The following NRXN3 variants were observed in gnomAD, a reference collection of about 807,000 sequenced individuals.
NRXN3 encodes neurexin III.
NRXN3 carries 32 observed loss-of-function variants against 137.6 expected under a neutral mutation model. That is an observed-to-expected ratio of 0.23 (90% CI 0.18 to 0.31). NRXN3 has a LOEUF of 0.31. NRXN3 is among the 10% of genes least tolerant of loss of function. The pLI, the probability that NRXN3 is intolerant of heterozygous loss-of-function variation, is 1.00. For missense variants in NRXN3, 1,574 were observed against 2,062.5 expected (o/e 0.76, Z 4.59); for synonymous variants, 798 against 784.5 (o/e 1.02, Z -0.29).
intron 16 of NRXN3, among the ~76,000 whole-genome samples, chr14:79,565,217 A>G (rs905346866): frequency 4.1e-5 from 6 of 147,076 alleles, no homozygotes; most frequent in Admixed American, 2.0e-4. Flanking sequence ...GTGTATATAT[A>G]TGTGTGTGTA....
intron 19 of NRXN3, among the ~76,000 whole-genome samples, chr14:79,768,344 C>G (rs1362490463): frequency 6.6e-6 from 1 of 152,250 alleles, no homozygotes; most frequent in African/African-American, 2.4e-5. Context: ...AAAAAGACAG[C>G]AGTAACCTCT....
chr14:78,506,839 C>T (rs1380974715), intron 4 of NRXN3, among the ~76,000 whole-genome samples: 1 of 151,796 alleles, frequency 6.6e-6, no homozygotes, highest in African/African-American at 2.4e-5. Flanking sequence ...CTGGTTCTCA[C>T]TGTAATTTTA....
chr14:79,257,463 G>A (rs1288102590), intron 15 of NRXN3, among the ~76,000 whole-genome samples: 2 of 39,742 alleles, frequency 5.0e-5, no homozygotes, highest in Non-Finnish European at 1.0e-4. Flanking sequence ...GGTGGTGGTG[G>A]TGGTGGTGAT....
At chr14:78,698,533 A>G (rs1299849203) in intron 6 of NRXN3, among the ~76,000 whole-genome samples, 2 of 152,120 alleles carry the variant, frequency 1.3e-5, no homozygotes, top group Middle Eastern at 3.4e-3. Flanking sequence ...CAAAACATTC[A>G]TGTGTTTTCT....
chr14:78,760,796 G>A (rs2098689807), intron 8 of NRXN3, among the ~76,000 whole-genome samples: 1 of 152,018 alleles, frequency 6.6e-6, no homozygotes, highest in South Asian at 2.1e-4. Context: ...CTTCTCATGA[G>A]CCCTTTGCGT....
At chr14:79,128,530 C>G (rs917889764) in intron 15 of NRXN3, among the ~76,000 whole-genome samples, 2 of 151,240 alleles carry the variant, frequency 1.3e-5, no homozygotes, top group African/African-American at 2.4e-5. Context: ...ATGAAGCCCA[C>G]TTGATCATGG....
chr14:78,579,803 C>T (rs914941382), intron 4 of NRXN3, among the ~76,000 whole-genome samples: 1 of 152,146 alleles, frequency 6.6e-6, no homozygotes, highest in African/African-American at 2.4e-5. Context: ...TCCTGATGTT[C>T]TCACTGGAAA....
At chr14:79,461,639 C>G (rs2096343001) in intron 15 of NRXN3, among the ~76,000 whole-genome samples, 1 of 152,128 alleles carries the variant, frequency 6.6e-6, no homozygotes, top group South Asian at 2.1e-4. Context: ...AAGCAACAAG[C>G]CTTTCCCTTT....
At position 79,446,167 on chromosome 14, in the gene NRXN3, A is replaced by G. The variant is rs138315901; in HGVS notation, c.3263-21054A>G. Among the ~76,000 whole-genome samples, 993 of 152,296 alleles carry G rather than the reference A, an allele frequency of 6.5e-3. 10 individuals are homozygous for G. The highest frequency in any genetic ancestry group is 0.022 in the African/African-American group (919 of 41,568). On this transcript the variant is annotated intron_variant, in intron 15 of 20. Coordinates refer to ENST00000335750, the MANE Select transcript of NRXN3 (RefSeq NM_001330195.2). ...TATAGAGTTTATATGATAAAAATTA[A>G]TGGGATGAAGTGCTGGAAATTTCAC...
chr14:78,315,844 T>C (rs564420310), intron 4 of NRXN3, among the ~76,000 whole-genome samples: 39 of 152,294 alleles, frequency 2.6e-4, no homozygotes, highest in African/African-American at 9.4e-4. Context: ...TAGGAGTACA[T>C]GTTTGATAGG....
intron 6 of NRXN3, among the ~76,000 whole-genome samples, chr14:78,682,088 G>C (rs921094299): frequency 6.6e-6 from 1 of 151,972 alleles, no homozygotes; most frequent in Non-Finnish European, 1.5e-5. Context: ...GGATGATCTC[G>C]ATCTCTTGAC....
intron 15 of NRXN3, among the ~76,000 whole-genome samples, chr14:79,195,236 G>A (rs1312236031): frequency 4.0e-4 from 61 of 152,276 alleles, no homozygotes; most frequent in Non-Finnish European, 7.4e-5. Flanking sequence ...GCATCAAGGG[G>A]TGGACTTCCT....
At chr14:78,365,188 G>C (rs1033209239) in intron 4 of NRXN3, among the ~76,000 whole-genome samples, 16 of 151,808 alleles carry the variant, frequency 1.1e-4, no homozygotes, top group African/African-American at 3.9e-4. Flanking sequence ...ATTTGAGCAG[G>C]CTCTGTATAT....
chr14:78,853,153 G>T (rs1341361239), intron 10 of NRXN3, among the ~76,000 whole-genome samples: 1 of 151,910 alleles, frequency 6.6e-6, no homozygotes, highest in Non-Finnish European at 1.5e-5. Flanking sequence ...GTGCCATGTT[G>T]GTGTGCTGCA....
rs1193645819 is a variant in NRXN3 at position 78,706,836 on chromosome 14, T to C, written c.1222-2381T>C. ...ATAGTTATATATCACTCTTGTAATA[T>C]CCATTAGAATGCAAACAGCTTTGCT... On this transcript the variant is annotated intron_variant, in intron 6 of 20. Coordinates refer to ENST00000335750, the MANE Select transcript of NRXN3 (RefSeq NM_001330195.2). Among the ~76,000 whole-genome samples the C allele has an allele frequency of 5.9e-5, 9 of 152,196 alleles. 1 individual carries two copies. The East Asian group carries it at 1.7e-3, about 29-fold the overall frequency.
chr14:79,595,172 C>A (rs1219556853), intron 16 of NRXN3, among the ~76,000 whole-genome samples: 1 of 152,132 alleles, frequency 6.6e-6, no homozygotes, highest in Non-Finnish European at 1.5e-5. Context: ...CCAGTGTCAC[C>A]CTTTCTCTAG....
chr14:79,542,265 G>C (rs938797233), intron 16 of NRXN3, among the ~76,000 whole-genome samples: 2 of 152,140 alleles, frequency 1.3e-5, no homozygotes, highest in Non-Finnish European at 2.9e-5. Context: ...GTCACAGGCT[G>C]CTCTTTTGTT....
chr14:79,159,218 T>A (rs369988052), intron 15 of NRXN3, among the ~76,000 whole-genome samples: 16 of 152,026 alleles, frequency 1.1e-4, no homozygotes, highest in Middle Eastern at 3.4e-3. Flanking sequence ...CACTTCTACC[T>A]CTTGGTAGCC....
At chr14:78,727,951 T>C (rs2152890620) in intron 8 of NRXN3, among the ~76,000 whole-genome samples, 1 of 152,356 alleles carries the variant, frequency 6.6e-6, no homozygotes, top group East Asian at 1.9e-4. Context: ...ATGCTACAGC[T>C]GGGCAGGGCC....
Sources: allele counts gnomAD v4.1 joint callset (sites outside exome capture counted in the v4.1 genomes callset), GRCh38; gene constraint gnomAD v4.1.1; transcripts MANE v1.5; gene names NCBI Gene and HGNC (gene_info 2026-07-23, HGNC 2026-07-21).